Variants in NCALD observed in about 807,000 individuals in gnomAD.
NCALD encodes the protein neurocalcin delta.
NCALD carries 10 observed loss-of-function variants against 18.6 expected under a neutral mutation model. The observed-to-expected ratio is 0.54, with a 90% CI of 0.33 to 0.91. The LOEUF is 0.91. NCALD is among the 40% of genes least tolerant of loss of function. The probability of loss-of-function intolerance (pLI) is 0.03; values close to 1 mark genes in which losing one functional copy is unlikely to be tolerated. For missense variants in NCALD, 184 were observed against 247.6 expected, an observed-to-expected ratio of 0.74 and a Z score of 1.72; for synonymous variants, 88 against 87.4, an observed-to-expected ratio of 1.01 and a Z score of -0.04.
intron 1 of NCALD, among the ~76,000 whole-genome samples, chr8:101,726,049 G>A (rs760748739): frequency 6.6e-6 from 1 of 152,148 alleles, no homozygotes; most frequent in Admixed American, 6.5e-5. Flanking sequence ...TCTTTGAAGA[G>A]CAAGAACAGT....
chr8:102,079,559 G>A (rs958331349), intron 1 of NCALD, among the ~76,000 whole-genome samples: 1 of 145,912 alleles, frequency 6.9e-6, no homozygotes, highest in Admixed American at 6.8e-5. Flanking sequence ...GTCTATAAAG[G>A]AGGAAATATA....
intron 2 of NCALD, among the ~76,000 whole-genome samples, chr8:101,995,662 C>A (rs947426691): frequency 6.6e-6 from 1 of 152,152 alleles, no homozygotes; most frequent in African/African-American, 2.4e-5. Context: ...AGGGATTCAC[C>A]CCCATGATCC....
intron 4 of NCALD, among the ~76,000 whole-genome samples, chr8:101,881,398 C>T (rs513472): frequency 2.6e-5 from 4 of 151,882 alleles, no homozygotes; most frequent in Admixed American, 6.5e-5. Context: ...ATTAAACCGC[C>T]GATAATATGG....
intron 1 of NCALD, among the ~76,000 whole-genome samples, chr8:102,062,537 C>T (rs16892348): frequency 0.06 from 9,126 of 152,260 alleles, 637 homozygotes; most frequent in African/African-American, 0.17. Flanking sequence ...CTCCAGGGTG[C>T]GGCTACCTCA....
At chr8:101,888,283 T>C (rs1454378330) in intron 3 of NCALD, among the ~76,000 whole-genome samples, 3 of 152,152 alleles carry the variant, frequency 2.0e-5, no homozygotes, top group Non-Finnish European at 2.9e-5. Flanking sequence ...TTTGAGGATA[T>C]GTGTCTATAA....
At chr8:101,736,485 T>C (rs1296452148) in intron 1 of NCALD, among the ~76,000 whole-genome samples, 2 of 152,166 alleles carry the variant, frequency 1.3e-5, no homozygotes, top group Non-Finnish European at 2.9e-5. Flanking sequence ...ATACAGCAGG[T>C]GTGGAGATGC....
At chr8:101,846,771 CAA>C (rs1814884224) in intron 4 of NCALD, among the ~76,000 whole-genome samples, 1 of 152,154 alleles carries the variant, frequency 6.6e-6, no homozygotes, top group African/African-American at 2.4e-5. Flanking sequence ...ACTTCTGACT[CAA>C]ACTGTCTGGG....
intron 2 of NCALD, among the ~76,000 whole-genome samples, chr8:101,923,479 T>C (rs992533088): frequency 3.9e-5 from 6 of 152,178 alleles, no homozygotes; most frequent in Admixed American, 2.6e-4. Context: ...ACGCAGAAAA[T>C]GATGTGTAAT....
At chr8:102,051,225 C>G (rs1381680748) in intron 1 of NCALD, among the ~76,000 whole-genome samples, 1 of 152,094 alleles carries the variant, frequency 6.6e-6, no homozygotes, top group Non-Finnish European at 1.5e-5. Flanking sequence ...TGGATCCTGG[C>G]TCCACCCCTA....
At chr8:101,746,521 C>A (rs1248585071) in intron 1 of NCALD, among the ~76,000 whole-genome samples, 2 of 152,120 alleles carry the variant, frequency 1.3e-5, no homozygotes, top group African/African-American at 4.8e-5. Context: ...AACACAAGAA[C>A]ACATTCAAGG....
At chr8:101,771,441 TG>T (rs1563752602) in intron 1 of NCALD, among the ~76,000 whole-genome samples, 2 of 152,266 alleles carry the variant, frequency 1.3e-5, no homozygotes, top group Non-Finnish European at 2.9e-5. Flanking sequence ...AGCCCATTCT[TG>T]TTTCATCTGT....
At chr8:102,124,832 TC>T (rs1826060014), upstream of NCALD, 2 of 152,252 alleles carry the variant, frequency 1.3e-5, no homozygotes, top group Non-Finnish European at 2.9e-5. Flanking sequence ...TAGTGCTTTC[TC>T]TACCCAAAGC....
chr8:101,895,172 A>G (rs1586712570), intron 3 of NCALD, among the ~76,000 whole-genome samples: 1 of 151,254 alleles, frequency 6.6e-6, no homozygotes, highest in East Asian at 1.9e-4. Flanking sequence ...ACCATGATCA[A>G]GTGGGCTTCA....
rs74604269 is a variant in NCALD, at chr8:101,828,144, C to A, written c.-20+58997G>T. On this transcript the variant is annotated intron_variant, in intron 4 of 6. Transcript: ENST00000311028. ...CTCCTTACAGCTCTCTACTTCTGCACTTGCCCCCATTCAGTCTGTCCTCCA... is the reference window on the plus strand; with the variant it reads ...CTCCTTACAGCTCTCTACTTCTGCAATTGCCCCCATTCAGTCTGTCCTCCA... Among the ~76,000 whole-genome samples the A allele has an allele frequency of 8.2e-3, 1,245 of 152,330 alleles. 13 individuals carry two copies. The highest frequency in any genetic ancestry group is 0.013 in the Non-Finnish European group (862 of 68,022).
intron 1 of NCALD, among the ~76,000 whole-genome samples, chr8:101,774,574 G>A (rs969443071): frequency 1.3e-5 from 2 of 152,204 alleles, no homozygotes; most frequent in African/African-American, 4.8e-5. Context: ...GGTAGAAAGA[G>A]CAAAAGAAAG....
intron 2 of NCALD, among the ~76,000 whole-genome samples, chr8:101,916,341 A>G (rs571098678): frequency 6.6e-6 from 1 of 152,328 alleles, no homozygotes; most frequent in South Asian, 2.1e-4. Context: ...ATTCATTACC[A>G]CTAGACCAGC....
intron 1 of NCALD, among the ~76,000 whole-genome samples, chr8:101,768,699 A>T (rs547620578): frequency 6.9e-6 from 1 of 145,588 alleles, no homozygotes; most frequent in South Asian, 2.3e-4. Flanking sequence ...ACAGAGTGAG[A>T]CTCCATCTCA....
chr8:102,001,400 T>C (rs567748839), intron 2 of NCALD, among the ~76,000 whole-genome samples: 1 of 152,334 alleles, frequency 6.6e-6, no homozygotes, highest in South Asian at 2.1e-4. Flanking sequence ...CTACGTCTGA[T>C]TGGTGTACCT....
At chr8:101,957,877 T>C (rs1212451536) in intron 2 of NCALD, among the ~76,000 whole-genome samples, 2 of 152,188 alleles carry the variant, frequency 1.3e-5, no homozygotes, top group Admixed American at 1.3e-4. Context: ...TGGGGTGTCA[T>C]AGATCGAGGT....
Sources: allele counts gnomAD v4.1 joint callset (sites outside exome capture counted in the v4.1 genomes callset), GRCh38; gene constraint gnomAD v4.1.1; transcripts MANE v1.5; gene names NCBI Gene and HGNC (gene_info 2026-07-23, HGNC 2026-07-21).